Variants in NPIPB2 observed in about 807,000 individuals in gnomAD.
NPIPB2 encodes nuclear pore complex interacting protein family member B2.
In NPIPB2, 27 loss-of-function variants were observed where a neutral mutation model predicts 30.8. The observed-to-expected ratio is 0.88, with a 90% CI of 0.65 to 1.21. NPIPB2 has a LOEUF of 1.21. NPIPB2 is among the 50% of genes most tolerant of loss of function. The pLI is 0.00. For missense variants in NPIPB2, 440 were observed against 446.2 expected (o/e 0.99, Z 0.13); for synonymous variants, 147 against 162.0 (o/e 0.91, Z 0.70).
intron 1 of NPIPB2, among the ~76,000 whole-genome samples, chr16:11,959,287 A>G (rs2055137077): frequency 6.6e-6 from 1 of 152,082 alleles, no homozygotes; most frequent in African/African-American, 2.4e-5. Flanking sequence ...CTTTGTTTCA[A>G]AATCATGCTC....
At chr16:11,972,725 G>T (rs1027373764) in intron 1 of NPIPB2, among the ~76,000 whole-genome samples, 5 of 151,862 alleles carry the variant, frequency 3.3e-5, no homozygotes, top group African/African-American at 9.7e-5. Flanking sequence ...TTAGCTGGAC[G>T]TGGTGGTGGG....
exon 8 of NPIPB2, chr16:11,927,446 A>G (rs781016070): frequency 2.8e-6 from 3 of 1,076,322 alleles, no homozygotes; most frequent in Non-Finnish European, 2.5e-6. Flanking sequence ...TGATGGTTCC[A>G]CCTCAGCGGC....
At chr16:11,956,855 C>A (rs1035917963) in intron 1 of NPIPB2, among the ~76,000 whole-genome samples, 2 of 152,214 alleles carry the variant, frequency 1.3e-5, no homozygotes, top group Non-Finnish European at 2.9e-5. Context: ...CCAGGGGTAC[C>A]AGGCACTAGG....
intron 2 of NPIPB2, among the ~76,000 whole-genome samples, chr16:11,935,334 G>C (rs1384229405): frequency 6.6e-6 from 1 of 152,102 alleles, no homozygotes; most frequent in Non-Finnish European, 1.5e-5. Flanking sequence ...CTTTTTTCTT[G>C]AGACGGAGTG....
chr16:11,941,743 G>A (rs1430289832), intron 1 of NPIPB2: 6 of 852,490 alleles, frequency 7.0e-6, no homozygotes, highest in African/African-American at 1.8e-5. Flanking sequence ...CAATGGACAT[G>A]CCAAGTAGCG....
chr16:11,935,965 C>G (rs1421832587), intron 2 of NPIPB2, among the ~76,000 whole-genome samples: 1 of 131,502 alleles, frequency 7.6e-6, no homozygotes, highest in Non-Finnish European at 1.6e-5. Context: ...AGTCCAACAG[C>G]TCAACTGAAC....
chr16:11,937,259 C>T (rs1441469228), intron 2 of NPIPB2, among the ~76,000 whole-genome samples: 6 of 152,102 alleles, frequency 3.9e-5, no homozygotes, highest in Admixed American at 6.6e-5. Context: ...ATTTAAGTGA[C>T]GAAACCTCAT....
At chr16:11,960,099 G>A (rs2055142784) in intron 1 of NPIPB2, among the ~76,000 whole-genome samples, 2 of 152,074 alleles carry the variant, frequency 1.3e-5, no homozygotes, top group Admixed American at 6.6e-5. Flanking sequence ...TTCACTTAGT[G>A]ATTTATCTTT....
chr16:11,949,608 T>C (rs919057149), intron 1 of NPIPB2, among the ~76,000 whole-genome samples: 3 of 152,378 alleles, frequency 2.0e-5, no homozygotes, highest in Non-Finnish European at 1.5e-5. Flanking sequence ...GCAGCTTATC[T>C]TGCTTTGGGC....
At chr16:11,947,099 T>G (rs1399258892) in intron 1 of NPIPB2, among the ~76,000 whole-genome samples, 1 of 146,050 alleles carries the variant, frequency 6.8e-6, no homozygotes, top group Non-Finnish European at 1.5e-5. Context: ...TAAAATAAAA[T>G]TCAATTATAT....
At chr16:11,975,948 CT>C (rs1663175610) in intron 1 of NPIPB2, among the ~76,000 whole-genome samples, 1 of 151,608 alleles carries the variant, frequency 6.6e-6, no homozygotes, top group African/African-American at 2.4e-5. Context: ...TGCTTGAGTC[CT>C]TTTTTTCTTT....
chr16:11,951,631 C>G (rs1032483552), intron 1 of NPIPB2, among the ~76,000 whole-genome samples: 11 of 131,780 alleles, frequency 8.3e-5, no homozygotes, highest in African/African-American at 2.1e-4. Context: ...CACATACACA[C>G]ACACACACAC....
intron 1 of NPIPB2, among the ~76,000 whole-genome samples, chr16:11,962,224 G>A (rs1383446809): frequency 6.7e-6 from 1 of 149,978 alleles, no homozygotes; most frequent in Admixed American, 6.7e-5. Context: ...AAAAAGGCTG[G>A]GTGCGGTGGC....
chr16:11,937,302 A>T (rs1199490702), intron 2 of NPIPB2, among the ~76,000 whole-genome samples: 1 of 152,230 alleles, frequency 6.6e-6, no homozygotes, highest in Non-Finnish European at 1.5e-5. Context: ...CAAAGGTTAA[A>T]AAAACTTATT....
intron 1 of NPIPB2, among the ~76,000 whole-genome samples, chr16:11,955,950 C>T (rs1368703968): frequency 6.6e-6 from 1 of 151,862 alleles, no homozygotes; most frequent in African/African-American, 2.4e-5. Context: ...CAGCCCCAGG[C>T]CTCCTCTGGT....
intron 1 of NPIPB2, among the ~76,000 whole-genome samples, chr16:11,951,666 A>ACACAAC (rs1226047972): frequency 7.2e-6 from 1 of 138,874 alleles, no homozygotes; most frequent in Non-Finnish European, 1.6e-5. Flanking sequence ...ACACACACAC[A>ACACAAC]CCCAGCCCCC....
chr16:11,935,515 T>C (rs2054853640), intron 2 of NPIPB2, among the ~76,000 whole-genome samples: 1 of 152,174 alleles, frequency 6.6e-6, no homozygotes, highest in Non-Finnish European at 1.5e-5. Context: ...GGTTTTACCA[T>C]GTTGGCCCAT....
chr16:11,952,170 C>CAAAAA (rs1391353950), intron 1 of NPIPB2, among the ~76,000 whole-genome samples: 9 of 9,608 alleles, frequency 9.4e-4, no homozygotes, highest in Admixed American at 1.7e-3. Context: ...AAAACAAAAA[C>CAAAAA]AAAACAAAAA....
At chr16:11,943,441 C>T (rs577632978), upstream of NPIPB2, among the ~76,000 whole-genome samples, 84 of 152,160 alleles carry the variant, frequency 5.5e-4, no homozygotes, top group Admixed American at 1.6e-3. Flanking sequence ...TGGTGGCTCA[C>T]GCCTGTAATC....
Sources: allele counts gnomAD v4.1 joint callset (sites outside exome capture counted in the v4.1 genomes callset), GRCh38; gene constraint gnomAD v4.1.1; transcripts MANE v1.5; gene names NCBI Gene and HGNC (gene_info 2026-07-23, HGNC 2026-07-21).